The following SAMD12 variants were observed in gnomAD, a reference collection of about 807,000 sequenced individuals.
The protein encoded by SAMD12 is sterile alpha motif domain-containing protein 12.
Under a neutral mutation model 15.0 loss-of-function variants are expected in SAMD12, and 9 were observed. That is an observed-to-expected ratio of 0.60 (90% CI 0.36 to 1.05). SAMD12 has a LOEUF of 1.05. Ranked by LOEUF, SAMD12 falls within the 50% of genes least tolerant of loss-of-function variation. SAMD12 has a pLI of 0.01. For synonymous variants in SAMD12, 86 were observed against 90.1 expected (o/e 0.96, Z 0.25); for missense variants, 230 against 234.2 (o/e 0.98, Z 0.12).
chr8:118,277,395 A>G (rs1454531100), intron 4 of SAMD12, among the ~76,000 whole-genome samples: 3 of 152,172 alleles, frequency 2.0e-5, no homozygotes, highest in Admixed American at 1.3e-4. Flanking sequence ...CATCGTATCT[A>G]TGGTCTAGCA....
chr8:118,606,824 T>C (rs1281609344), intron 1 of SAMD12, among the ~76,000 whole-genome samples: 1 of 152,158 alleles, frequency 6.6e-6, no homozygotes, highest in Non-Finnish European at 1.5e-5. Context: ...ATGGAGATCA[T>C]GTGTCTGTCT....
the SAMD12 span, among the ~76,000 whole-genome samples, chr8:118,163,829 C>A: frequency 7.2e-5 from 11 of 151,950 alleles, no homozygotes; most frequent in African/African-American, 2.2e-4. Flanking sequence ...GAGCCGAGAT[C>A]GCGCCACTGC....
Position 118,234,202 on chromosome 8 carries a change from A to G in SAMD12, c.434-36470T>C, listed in dbSNP as rs191760841. 2.4e-3 allele frequency among the ~76,000 whole-genome samples: 365 copies of G among 152,182 alleles called. 3 individuals are homozygous for G. Among genetic ancestry groups the G allele is most frequent in the African/African-American group, 8.4e-3 (349 of 41,542 alleles). ...TGGTGAAGACTACATGAAAAAGATT[A>G]AAACACTCTTTCTCATTTGTCAGTC... On this transcript the variant is annotated intron_variant, in intron 4 of 4. Coordinates refer to the SAMD12 transcript ENST00000409003.
intron 4 of SAMD12, among the ~76,000 whole-genome samples, chr8:118,316,035 T>C (rs559339245): frequency 3.8e-4 from 58 of 152,322 alleles, no homozygotes; most frequent in South Asian, 1.9e-3. Flanking sequence ...CATTGTCAGC[T>C]TATTTTTGCG....
the SAMD12 span, among the ~76,000 whole-genome samples, chr8:118,159,823 G>T: frequency 2.0e-5 from 3 of 150,844 alleles, no homozygotes; most frequent in African/African-American, 7.3e-5. Context: ...GGGTTCAAGC[G>T]ATTCTCCTGC....
intron 4 of SAMD12, among the ~76,000 whole-genome samples, chr8:118,305,693 C>T (rs1815311155): frequency 6.6e-6 from 1 of 152,132 alleles, no homozygotes; most frequent in African/African-American, 2.4e-5. Flanking sequence ...AGAAAGGTCC[C>T]AGTGATTACT....
At chr8:118,480,368 A>C (rs1293665864) in intron 2 of SAMD12, among the ~76,000 whole-genome samples, 1 of 152,172 alleles carries the variant, frequency 6.6e-6, no homozygotes, top group Non-Finnish European at 1.5e-5. Flanking sequence ...ACCATATCTC[A>C]CACAACATGT....
chr8:118,493,074 A>C (rs898615840), intron 2 of SAMD12, among the ~76,000 whole-genome samples: 2 of 152,188 alleles, frequency 1.3e-5, no homozygotes, highest in African/African-American at 4.8e-5. Flanking sequence ...AAAACCAGTG[A>C]TTTGTTAGAA....
At chr8:118,185,410 C>G (rs1188050675), downstream of SAMD12, among the ~76,000 whole-genome samples, 1 of 152,070 alleles carries the variant, frequency 6.6e-6, no homozygotes, top group Non-Finnish European at 1.5e-5. Flanking sequence ...CTGAGAGTCC[C>G]CAAAGTCCAT....
At chr8:118,352,888 C>T (rs1818027363) in intron 4 of SAMD12, among the ~76,000 whole-genome samples, 1 of 151,962 alleles carries the variant, frequency 6.6e-6, no homozygotes, top group Non-Finnish European at 1.5e-5. Context: ...GGCCATATAC[C>T]TCTCTCTACT....
At chr8:118,595,103 C>T (rs1827691826) in intron 1 of SAMD12, among the ~76,000 whole-genome samples, 1 of 152,144 alleles carries the variant, frequency 6.6e-6, no homozygotes, top group African/African-American at 2.4e-5. Flanking sequence ...TCCCATATCC[C>T]TCATGTTCCC....
At chr8:118,453,564 A>C (rs1823148527) in intron 2 of SAMD12, among the ~76,000 whole-genome samples, 1 of 152,162 alleles carries the variant, frequency 6.6e-6, no homozygotes, top group African/African-American at 2.4e-5. Flanking sequence ...TCTGTCACTC[A>C]GGCTGGAGTG....
chr8:118,516,207 C>A lies in SAMD12; in HGVS notation c.192+64508G>T, dbSNP rs545795810. On this transcript the variant is annotated intron_variant, in intron 2 of 3. Transcript: ENST00000314727. ...CACTGACTTCTTCAACCTTTCCTTACCTGTATCACACACTTATTAGTTATT... is the reference window on the plus strand; with the variant it reads ...CACTGACTTCTTCAACCTTTCCTTAACTGTATCACACACTTATTAGTTATT... Among the ~76,000 whole-genome samples, 3 of 152,360 alleles carry A rather than the reference C, an allele frequency of 2.0e-5. No homozygotes were observed. The South Asian group carries it at 6.2e-4, about 32-fold the overall frequency.
At chr8:118,285,658 C>T (rs77164295) in intron 4 of SAMD12, among the ~76,000 whole-genome samples, 11,300 of 152,178 alleles carry the variant, frequency 0.074, 810 homozygotes, top group East Asian at 0.33. Context: ...AGTTTCAATA[C>T]CAGATCTGTC....
chr8:118,336,183 GACTA>G (rs1305095764), intron 4 of SAMD12, among the ~76,000 whole-genome samples: 1 of 152,146 alleles, frequency 6.6e-6, no homozygotes, highest in Non-Finnish European at 1.5e-5. Flanking sequence ...ACCCAGCTCT[GACTA>G]ACTCTAAAAC....
At chr8:118,486,426 A>AGG (rs1554672807) in intron 2 of SAMD12, among the ~76,000 whole-genome samples, 1 of 49,850 alleles carries the variant, frequency 2.0e-5, no homozygotes, top group East Asian at 1.9e-3. Flanking sequence ...AAAAAAAAAA[A>AGG]GAGAGAGAGA....
At chr8:118,329,315 G>T (rs566313448) in intron 4 of SAMD12, among the ~76,000 whole-genome samples, 14 of 152,056 alleles carry the variant, frequency 9.2e-5, no homozygotes, top group African/African-American at 3.4e-4. Context: ...TTACTTTTAG[G>T]TTTTTTGTAT....
intron 3 of SAMD12, among the ~76,000 whole-genome samples, chr8:118,406,116 A>C (rs956852050): frequency 2.6e-5 from 4 of 152,112 alleles, no homozygotes; most frequent in African/African-American, 9.7e-5. Context: ...AAAAGAGAAG[A>C]GTCTTAAACA....
At position 118,379,073 on chromosome 8, in the gene SAMD12, G is replaced by C; in HGVS notation, c.*344C>G. 1 of 1,047,100 alleles carries C rather than the reference G, an allele frequency of 9.6e-7. No homozygotes were observed. Among genetic ancestry groups the C allele is most frequent in the South Asian group, 3.9e-5 (1 of 25,554 alleles). 64.9% of individuals were successfully genotyped at this position (1,047,100 alleles called of 1,614,324 possible). ...TAAAATGTTTTTCTCCCACTAACCG[G>C]TGAAAAGCAAAACAAAAATACAACA... On this transcript the variant is annotated 3_prime_UTR_variant, in exon 4 of 4. Coordinates refer to ENST00000314727, the MANE Select transcript of SAMD12 (RefSeq NM_207506.3).
Sources: allele counts gnomAD v4.1 joint callset (sites outside exome capture counted in the v4.1 genomes callset), GRCh38; gene constraint gnomAD v4.1.1; transcripts MANE v1.5; gene names NCBI Gene and HGNC (gene_info 2026-07-23, HGNC 2026-07-21).